The following TENT5C variants were observed in gnomAD, a reference collection of about 807,000 sequenced individuals.
The protein encoded by TENT5C is family with sequence similarity 46 member C.
In TENT5C, 5 loss-of-function variants were observed where a neutral mutation model predicts 22.2. That is an observed-to-expected ratio of 0.22 (90% CI 0.12 to 0.47). The LOEUF (loss-of-function observed/expected upper bound fraction) is 0.47, where lower values mean the gene tolerates loss of function less well. Among genes scored for constraint, TENT5C ranks in the 20% least tolerant of loss-of-function variants. The probability of loss-of-function intolerance (pLI) is 0.99; values close to 1 mark genes in which losing one functional copy is unlikely to be tolerated. For missense variants in TENT5C, 364 were observed against 500.9 expected, an observed-to-expected ratio of 0.73 and a Z score of 2.61; for synonymous variants, 199 against 195.4, an observed-to-expected ratio of 1.02 and a Z score of -0.15.
chr1:117,624,339 T>G lies in TENT5C; in HGVS notation c.*295T>G, dbSNP rs1320984157. ...ATGTCATGTCCCAAACATTAGCACG[T>G]GGGGGTTGAGCTCTGTGCAGTAATC... On this transcript the variant is annotated 3_prime_UTR_variant, in exon 2 of 2. Transcript: ENST00000369448. 2.5e-6 allele frequency: 1 copy of G among 398,454 alleles called. No homozygotes were observed. Among genetic ancestry groups the G allele is most frequent in the Non-Finnish European group, 4.7e-6 (1 of 214,196 alleles). The allele number at this position is 398,454 out of a possible 1,614,324, so 24.7% of individuals were successfully genotyped here.
rs1254518668 is a variant in TENT5C, at chr1:117,627,548, T to G, written c.*3504T>G. 2 of 248,056 alleles carry G rather than the reference T, an allele frequency of 8.1e-6. No individual in the cohort carries two copies. Among genetic ancestry groups the G allele is most frequent in the Admixed American group, 1.1e-4 (2 of 17,786 alleles). The allele number at this position is 248,056 out of a possible 1,614,324, so 15.4% of individuals were successfully genotyped here. A position where few individuals can be genotyped will look rare whatever the true frequency, so the allele number is the denominator to read the frequency against. ...GTTATCCAATGGTGAGACGAGACCC[T>G]GACGCTCATAGAGGCCATTCCTTCC... On this transcript the variant is annotated 3_prime_UTR_variant, in exon 2 of 2. Transcript: ENST00000369448.
intron 1 of TENT5C, among the ~76,000 whole-genome samples, chr1:117,621,179 T>G (rs1001448144): frequency 6.6e-6 from 1 of 152,098 alleles, no homozygotes. Context: ...CCTCCACGAG[T>G]ACTCTGTAGC....
chr1:117,611,033 A>G (rs547059671), intron 1 of TENT5C, among the ~76,000 whole-genome samples: 1 of 152,290 alleles, frequency 6.6e-6, no homozygotes, highest in African/African-American at 2.4e-5. Flanking sequence ...CCTTATGAAG[A>G]TAGAAGAGGT....
At chr1:117,615,149 T>C (rs1653754401) in intron 1 of TENT5C, among the ~76,000 whole-genome samples, 1 of 152,254 alleles carries the variant, frequency 6.6e-6, no homozygotes, top group African/African-American at 2.4e-5. Context: ...TCAGGTGGCC[T>C]TAGCGGTCTA....
Position 117,623,345 on chromosome 1 carries a change from C to T in TENT5C, c.477C>T (p.Asn159=). 6.2e-7 allele frequency: 1 copy of T among 1,614,182 alleles called. No homozygotes were observed. Among genetic ancestry groups the T allele is most frequent in the Non-Finnish European group, 8.5e-7 (1 of 1,180,044 alleles). Residue 159 remains asparagine (N), a synonymous_variant, in exon 2 of 2, where the codon AAC becomes AAT. Coordinates refer to ENST00000369448, the MANE Select transcript of TENT5C (RefSeq NM_017709.4). Reference sequence around the variant, plus strand: ...GCTGGAGCCTGATCTCCCTCTCCAACAAGAACGGGAAGAACGTGGAGCTGA... The same window carrying T: ...GCTGGAGCCTGATCTCCCTCTCCAATAAGAACGGGAAGAACGTGGAGCTGA... ...TDRWSLISLS[N]KNGKNVELKF...
chr1:117,615,699 C>G (rs1653767040), intron 1 of TENT5C, among the ~76,000 whole-genome samples: 1 of 152,202 alleles, frequency 6.6e-6, no homozygotes, highest in African/African-American at 2.4e-5. Context: ...AAACAATGTG[C>G]TCCCCCGCTG....
rs1654017064 is a variant in TENT5C, at chr1:117,626,543, A to G, written c.*2499A>G. On this transcript the variant is annotated 3_prime_UTR_variant, in exon 2 of 2. Transcript: ENST00000369448. Reference sequence around the variant, plus strand: ...CAACCCCTGGGCTAGTGATGTCTCTACTTGCTCTATGAGCCTTTTGCCAGC... The same window carrying G: ...CAACCCCTGGGCTAGTGATGTCTCTGCTTGCTCTATGAGCCTTTTGCCAGC... The G allele has an allele frequency of 4.0e-6, 1 of 247,926 alleles. No individual in the cohort carries two copies. The allele number at this position is 247,926 out of a possible 1,614,324, so 15.4% of individuals were successfully genotyped here. A position where few individuals can be genotyped will look rare whatever the true frequency, so the allele number is the denominator to read the frequency against.
intron 1 of TENT5C, among the ~76,000 whole-genome samples, chr1:117,612,408 CTGCTGATAA>C (rs1433020131): frequency 2.7e-5 from 4 of 150,454 alleles, no homozygotes; most frequent in Non-Finnish European, 5.9e-5. Context: ...TTTCAAGGAA[CTGCTGATAA>C]AATCTTCTGA....
intron 1 of TENT5C, among the ~76,000 whole-genome samples, chr1:117,606,891 A>T (rs1223328508): frequency 6.6e-6 from 1 of 152,222 alleles, no homozygotes; most frequent in African/African-American, 2.4e-5. Flanking sequence ...CTTCTTGGGA[A>T]TGCGGTGTCT....
At chr1:117,613,339 A>G (rs542855445) in intron 1 of TENT5C, among the ~76,000 whole-genome samples, 14 of 152,250 alleles carry the variant, frequency 9.2e-5, no homozygotes, top group African/African-American at 3.4e-4. Context: ...ACCTTTCAAC[A>G]CTTGAACTTG....
At position 117,623,447 on chromosome 1, in the gene TENT5C, C is replaced by G; in HGVS notation, c.579C>G (p.Phe193Leu). 6.2e-7 allele frequency: 1 copy of G among 1,614,126 alleles called. No individual in the cohort carries two copies. The highest frequency in any genetic ancestry group is 8.5e-7 in the Non-Finnish European group (1 of 1,180,028). ...AAATCATCCTGGATTCTTTGCTTTT[C>G]TTCTATGACTGTTCCAATAATCCCA... Reference protein sequence around the residue: ...SFQIILDSLLFFYDCSNNPIS... With the variant: ...SFQIILDSLLLFYDCSNNPIS... The change falls in exon 2 of 2, where the codon TTC becomes TTG. Residue 193 changes from phenylalanine to leucine, a missense_variant. By Grantham distance (22) the Phe-to-Leu change is conservative. Transcript: ENST00000369448.
At position 117,625,722 on chromosome 1, in the gene TENT5C, G is replaced by A. The variant is rs1199192793; in HGVS notation, c.*1678G>A. The A allele has an allele frequency of 8.1e-6, 2 of 248,068 alleles. No homozygotes were observed. The highest frequency in any genetic ancestry group is 5.6e-5 in the Admixed American group (1 of 17,804). The allele number at this position is 248,068 out of a possible 1,614,324, so 15.4% of individuals were successfully genotyped here. ...AATGCAAAAGAGCTTAGTAGAAAAT[G>A]AGTGGTTTACCTTTTTTTCTAAAAG... On this transcript the variant is annotated 3_prime_UTR_variant, in exon 2 of 2. Transcript: ENST00000369448.
chr1:117,617,383 CT>C (rs10633030), intron 1 of TENT5C, among the ~76,000 whole-genome samples: 5,428 of 144,378 alleles, frequency 0.038, 111 homozygotes, highest in Middle Eastern at 0.05. Flanking sequence ...CTGCAAACCT[CT>C]TTTTTTTTTT....
At chr1:117,621,887 C>T (rs1268997970) in intron 1 of TENT5C, among the ~76,000 whole-genome samples, 1 of 152,168 alleles carries the variant, frequency 6.6e-6, no homozygotes, top group Non-Finnish European at 1.5e-5. Flanking sequence ...TATAACATAG[C>T]TGAAAATTAC....
intron 1 of TENT5C, among the ~76,000 whole-genome samples, chr1:117,608,096 T>A (rs1001147623): frequency 1.7e-4 from 22 of 130,166 alleles, no homozygotes; most frequent in Middle Eastern, 4.3e-3. Flanking sequence ...AAAAAAAAAC[T>A]CTGCCAGGAG....
intron 1 of TENT5C, among the ~76,000 whole-genome samples, chr1:117,616,381 T>A (rs2101076145): frequency 6.6e-6 from 1 of 152,366 alleles, no homozygotes; most frequent in East Asian, 1.9e-4. Context: ...TAGGATAGTA[T>A]GAAGTGTATT....
Position 117,626,902 on chromosome 1 carries a change from T to A in TENT5C, c.*2858T>A. 4.0e-6 allele frequency: 1 copy of A among 248,222 alleles called. No individual in the cohort carries two copies. The highest frequency in any genetic ancestry group is 8.5e-6 in the Non-Finnish European group (1 of 118,142). The allele number at this position is 248,222 out of a possible 1,614,324, so 15.4% of individuals were successfully genotyped here. On this transcript the variant is annotated 3_prime_UTR_variant, in exon 2 of 2. Coordinates refer to ENST00000369448, the MANE Select transcript of TENT5C (RefSeq NM_017709.4). ...GGAGTCAGGTTGAGCATCAGTGAGA[T>A]GAAGACAGTACCTTTTCCTCTCACA...
At chr1:117,606,636 T>C (rs569292879) in intron 1 of TENT5C, among the ~76,000 whole-genome samples, 1 of 152,132 alleles carries the variant, frequency 6.6e-6, no homozygotes, top group South Asian at 2.1e-4. Flanking sequence ...GCGCACACCT[T>C]CGCCGGCCCG....
At chr1:117,620,877 C>T (rs904254191) in intron 1 of TENT5C, among the ~76,000 whole-genome samples, 2 of 152,152 alleles carry the variant, frequency 1.3e-5, no homozygotes, top group African/African-American at 4.8e-5. Context: ...TTGTCTTCCA[C>T]AAAACTGGTT....
Sources: gnomAD v4.1 joint callset for allele counts (sites outside exome capture counted in the v4.1 genomes callset) on GRCh38, gnomAD v4.1.1 for gene constraint, MANE v1.5 for transcripts, NCBI Gene and HGNC (gene_info 2026-07-23, HGNC 2026-07-21) for gene names.